Variants in PPARGC1B observed in about 807,000 individuals in gnomAD.
PPARGC1B encodes peroxisome proliferator-activated receptor gamma coactivator 1-beta.
Under a neutral mutation model 101.6 loss-of-function variants are expected in PPARGC1B, and 34 were observed. The observed-to-expected ratio is 0.33, with a 90% CI of 0.25 to 0.45. The LOEUF is 0.45. PPARGC1B is among the 20% of genes least tolerant of loss of function. The pLI, the probability that PPARGC1B is intolerant of heterozygous loss-of-function variation, is 1.00. For missense variants in PPARGC1B, 1,234 were observed against 1,317.6 expected, an observed-to-expected ratio of 0.94 and a Z score of 0.98; for synonymous variants, 548 against 539.3, an observed-to-expected ratio of 1.02 and a Z score of -0.22.
chr5:149,816,488 C>T (rs1758058588), intron 1 of PPARGC1B, among the ~76,000 whole-genome samples: 1 of 152,210 alleles, frequency 6.6e-6, no homozygotes, highest in African/African-American at 2.4e-5. Context: ...GTTAAGTGTA[C>T]ATTTTGTGCA....
chr5:149,755,052 CATAT>C (rs1199839991), intron 1 of PPARGC1B, among the ~76,000 whole-genome samples: 30 of 108,936 alleles, frequency 2.8e-4, no homozygotes, highest in African/African-American at 8.3e-4. Context: ...TATACATATA[CATAT>C]ATATATATAT....
chr5:149,808,658 G>T (rs915753336), intron 1 of PPARGC1B, among the ~76,000 whole-genome samples: 10 of 152,068 alleles, frequency 6.6e-5, no homozygotes, highest in Admixed American at 2.0e-4. Context: ...GTCTTGTCTT[G>T]GGGCTGTGTG....
rs369909469 is a variant in PPARGC1B at position 149,826,630 on chromosome 5, C to T, written c.253-43C>T. On this transcript the variant is annotated intron_variant, in intron 2 of 11. Transcript: ENST00000309241. ...TGAGTCTAAGGTGGTGACTAACCAT[C>T]TCCCCATCTGCCTTTCTGACCCTCC... 8 of 1,473,148 alleles carry T rather than the reference C, an allele frequency of 5.4e-6. No homozygotes were observed. In the South Asian group the frequency reaches 8.1e-5, roughly 15 times the overall value. 91.3% of individuals were successfully genotyped at this position (1,473,148 alleles called of 1,614,324 possible).
chr5:149,833,363 GGAGGAAGAC>G lies in PPARGC1B; in HGVS notation c.1299_1307del (p.Asp433_Glu435del), dbSNP rs757491083. 10 of 1,613,496 alleles carry G rather than the reference GGAGGAAGAC, an allele frequency of 6.2e-6. No homozygotes were observed. Among genetic ancestry groups the G allele is most frequent in the South Asian group, 5.5e-5 (5 of 91,074 alleles). On this transcript the variant is annotated inframe_deletion, in exon 5 of 12. Transcript: ENST00000309241. This position sits in a 1 kb window ranked among gnomAD's most constrained non-coding sequence, Gnocchi z 4.1. ...GGCCTGCCAGACTGCAGCAGCAGGA[GGAGGAAGAC>G]GAGGAAGAAGAGGAGGAGGAAGAGG...
At chr5:149,834,494 A>G (rs771482365) in intron 5 of PPARGC1B, among the ~76,000 whole-genome samples, 180 bp from the exon 6 acceptor site, 4 of 152,238 alleles carry the variant, frequency 2.6e-5, no homozygotes, top group Non-Finnish European at 4.4e-5. Context: ...AGCTGAGACT[A>G]GGATGGAAGG....
rs565099606 is a variant in PPARGC1B, at chr5:149,794,719, C to G, written c.79-25714C>G. On this transcript the variant is annotated intron_variant, in intron 1 of 11. Transcript: ENST00000309241. ...AGGAGGCTGTTGTCCCAGCCAGGCC[C>G]ATCCCCTGGCAACAGGACTAAAATG... Among the ~76,000 whole-genome samples the G allele has an allele frequency of 3.6e-4, 55 of 152,352 alleles. 1 individual carries two copies. The Middle Eastern group carries it at 0.014, about 38-fold the overall frequency.
At chr5:149,751,968 G>C (rs1386121035) in intron 1 of PPARGC1B, among the ~76,000 whole-genome samples, 2 of 152,178 alleles carry the variant, frequency 1.3e-5, no homozygotes, top group East Asian at 3.8e-4. Context: ...CTGCATTGCT[G>C]TGAGAATGCA....
At chr5:149,813,939 A>T (rs1372600731) in intron 1 of PPARGC1B, among the ~76,000 whole-genome samples, 7 of 152,154 alleles carry the variant, frequency 4.6e-5, no homozygotes, top group African/African-American at 1.7e-4. Flanking sequence ...AAGGGTACGC[A>T]TCCCATTCAT....
intron 1 of PPARGC1B, among the ~76,000 whole-genome samples, chr5:149,768,746 C>A (rs1293372045): frequency 6.6e-6 from 1 of 151,780 alleles, no homozygotes; most frequent in Non-Finnish European, 1.5e-5. Context: ...AAACTCCTGA[C>A]CTCAGGTGAT....
intron 1 of PPARGC1B, among the ~76,000 whole-genome samples, chr5:149,756,478 CA>C (rs1755525077): frequency 6.6e-6 from 1 of 152,034 alleles, no homozygotes; most frequent in African/African-American, 2.4e-5. Flanking sequence ...AACAAAAAAC[CA>C]AAACAACAAG....
At chr5:149,732,963 T>G (rs1341422484) in intron 1 of PPARGC1B, 1 of 236,492 alleles carries the variant, frequency 4.2e-6, no homozygotes, top group Non-Finnish European at 9.9e-6. Context: ...CGAGCCTCAT[T>G]TCCTCCATCT....
At chr5:149,765,058 C>T (rs947278143) in intron 1 of PPARGC1B, among the ~76,000 whole-genome samples, 1 of 150,390 alleles carries the variant, frequency 6.6e-6, no homozygotes, top group Admixed American at 6.6e-5. Context: ...CCCAAACACA[C>T]ATGTCCTTTA....
At chr5:149,813,936 C>G (rs1033234298) in intron 1 of PPARGC1B, among the ~76,000 whole-genome samples, 1 of 152,124 alleles carries the variant, frequency 6.6e-6, no homozygotes, top group Non-Finnish European at 1.5e-5. Context: ...TATAAGGGTA[C>G]GCATCCCATT....
chr5:149,775,592 A>G (rs1756329289), intron 1 of PPARGC1B, among the ~76,000 whole-genome samples: 1 of 152,234 alleles, frequency 6.6e-6, no homozygotes, highest in Admixed American at 6.5e-5. Context: ...ACAAGGCTTC[A>G]GGTAGTCCTC....
At chr5:149,809,827 G>A (rs1757780782) in intron 1 of PPARGC1B, among the ~76,000 whole-genome samples, 1 of 152,148 alleles carries the variant, frequency 6.6e-6, no homozygotes, top group Non-Finnish European at 1.5e-5. Context: ...CCAGCAGGGT[G>A]CTAGGTAGGC....
intron 1 of PPARGC1B, among the ~76,000 whole-genome samples, chr5:149,813,832 G>C (rs1416469030): frequency 6.6e-6 from 1 of 152,186 alleles, no homozygotes; most frequent in East Asian, 1.9e-4. Flanking sequence ...GGCAGATTTT[G>C]TATCTGGTGA....
intron 3 of PPARGC1B, among the ~76,000 whole-genome samples, chr5:149,830,017 A>G: frequency 7.6e-6 from 1 of 132,284 alleles, no homozygotes; most frequent in East Asian, 2.5e-4. Context: ...CCTAGGTGAC[A>G]GAGACTGCAT....
At chr5:149,842,508 A>G (rs1362005619) in intron 10 of PPARGC1B, 131 bp downstream of exon 10, 1 of 1,287,032 alleles carries the variant, frequency 7.8e-7, no homozygotes, top group Non-Finnish European at 1.1e-6. Context: ...AGATGTGGAA[A>G]GCCAGGCCCA....
chr5:149,754,969 AACAC>A (rs1415673560), intron 1 of PPARGC1B, among the ~76,000 whole-genome samples: 1 of 147,814 alleles, frequency 6.8e-6, no homozygotes, highest in Non-Finnish European at 1.5e-5. Flanking sequence ...TATATATGTA[AACAC>A]ACACACTATA....
Sources: gnomAD v4.1 joint callset for allele counts (sites outside exome capture counted in the v4.1 genomes callset) on GRCh38, gnomAD v4.1.1 for gene constraint, Gnocchi (gnomAD v3.1) non-coding constraint, MANE v1.5 for transcripts, NCBI Gene and HGNC (gene_info 2026-07-23, HGNC 2026-07-21) for gene names.